Variants in ERBB4 observed in about 807,000 individuals in gnomAD.
The protein encoded by ERBB4 is erb-b2 receptor tyrosine kinase 4, also known as receptor tyrosine-protein kinase erbB-4.
Under a neutral mutation model 158.0 loss-of-function variants are expected in ERBB4, and 42 were observed. That is an observed-to-expected ratio of 0.27 (90% CI 0.21 to 0.34). The LOEUF is 0.34. ERBB4 is among the 10% of genes least tolerant of loss of function. The probability of loss-of-function intolerance (pLI) is 1.00; values close to 1 mark genes in which losing one functional copy is unlikely to be tolerated. For missense variants in ERBB4, 1,333 were observed against 1,624.1 expected, an observed-to-expected ratio of 0.82 and a Z score of 3.08; for synonymous variants, 583 against 558.7, an observed-to-expected ratio of 1.04 and a Z score of -0.61.
At chr2:211,693,707 T>C (rs977990405) in intron 12 of ERBB4, among the ~76,000 whole-genome samples, 3 of 152,192 alleles carry the variant, frequency 2.0e-5, no homozygotes, top group Non-Finnish European at 4.4e-5. Context: ...CTGTCTGTGT[T>C]AGTTCCATAG....
chr2:211,811,490 T>C (rs1391378626), intron 3 of ERBB4, among the ~76,000 whole-genome samples: 1 of 152,132 alleles, frequency 6.6e-6, no homozygotes, highest in Non-Finnish European at 1.5e-5. Context: ...CAATTATGTG[T>C]CTCGGGGTTG....
chr2:211,937,140 T>C (rs914381844), intron 3 of ERBB4, among the ~76,000 whole-genome samples: 5 of 152,188 alleles, frequency 3.3e-5, no homozygotes, highest in African/African-American at 1.2e-4. Flanking sequence ...ATCTTTTACA[T>C]TTATGTTGGT....
At chr2:211,519,250 C>T (rs1423574894) in intron 20 of ERBB4, among the ~76,000 whole-genome samples, 2 of 152,002 alleles carry the variant, frequency 1.3e-5, no homozygotes, top group Non-Finnish European at 1.5e-5. Flanking sequence ...AATATTTTTG[C>T]ATTATTTAAG....
At chr2:211,574,816 T>A (rs913576662) in intron 19 of ERBB4, among the ~76,000 whole-genome samples, 1 of 152,226 alleles carries the variant, frequency 6.6e-6, no homozygotes, top group Admixed American at 6.5e-5. Flanking sequence ...CACTTGTAGC[T>A]TTATTTAGTT....
intron 1 of ERBB4, among the ~76,000 whole-genome samples, chr2:212,126,668 C>A (rs1263756093): frequency 6.6e-6 from 1 of 151,898 alleles, no homozygotes; most frequent in African/African-American, 2.4e-5. Context: ...ATAAGATATA[C>A]TGAATTTAAG....
At chr2:211,878,490 A>G (rs2078570949) in intron 3 of ERBB4, among the ~76,000 whole-genome samples, 1 of 152,218 alleles carries the variant, frequency 6.6e-6, no homozygotes, top group African/African-American at 2.4e-5. Context: ...GCATTCTTTT[A>G]TCACATCAAA....
chr2:211,597,841 C>CA (rs774689676), intron 19 of ERBB4, among the ~76,000 whole-genome samples: 8 of 151,048 alleles, frequency 5.3e-5, no homozygotes, highest in South Asian at 2.1e-4. Context: ...TTTTTTAATT[C>CA]AAAAAAAATC....
chr2:212,032,904 AG>A (rs1430574569), intron 2 of ERBB4, among the ~76,000 whole-genome samples: 3 of 152,044 alleles, frequency 2.0e-5, no homozygotes, highest in Non-Finnish European at 4.4e-5. Context: ...CAGAGAGAAA[AG>A]GAGTTTTAAA....
At chr2:212,101,176 A>C (rs1184251937) in intron 2 of ERBB4, among the ~76,000 whole-genome samples, 4 of 151,934 alleles carry the variant, frequency 2.6e-5, no homozygotes, top group Non-Finnish European at 4.4e-5. Flanking sequence ...AATGAGCAGA[A>C]ATGATATGTA....
At chr2:212,386,714 A>G (rs555589048) in intron 1 of ERBB4, among the ~76,000 whole-genome samples, 1 of 152,094 alleles carries the variant, frequency 6.6e-6, no homozygotes, top group Non-Finnish European at 1.5e-5. Flanking sequence ...TGCATGCAAC[A>G]CTACTTCCTC....
intron 1 of ERBB4, among the ~76,000 whole-genome samples, chr2:212,436,973 C>T (rs1175638630): frequency 6.6e-6 from 1 of 151,838 alleles, no homozygotes; most frequent in Non-Finnish European, 1.5e-5. Flanking sequence ...ACTAGGTAAA[C>T]CAGAGGATTT....
At chr2:211,809,608 C>T (rs1452002050) in intron 3 of ERBB4, among the ~76,000 whole-genome samples, 2 of 152,094 alleles carry the variant, frequency 1.3e-5, no homozygotes, top group African/African-American at 4.8e-5. Context: ...TGCTAGCAGT[C>T]TATCAATTTT....
chr2:212,496,612 T>C (rs1326583118), intron 1 of ERBB4, among the ~76,000 whole-genome samples: 1 of 152,216 alleles, frequency 6.6e-6, no homozygotes, highest in Non-Finnish European at 1.5e-5. Flanking sequence ...AATTTTGTCC[T>C]TGTGTAACAT....
At chr2:211,580,981 T>G (rs757637480) in intron 19 of ERBB4, among the ~76,000 whole-genome samples, 27 of 148,018 alleles carry the variant, frequency 1.8e-4, no homozygotes, top group Non-Finnish European at 3.1e-4. Context: ...CTGGATGAGA[T>G]TCAAGACTAT....
intron 2 of ERBB4, among the ~76,000 whole-genome samples, chr2:212,066,321 G>C (rs2077946251): frequency 6.6e-6 from 1 of 151,774 alleles, no homozygotes; most frequent in Admixed American, 6.6e-5. Flanking sequence ...TCTTACCTAG[G>C]AAAAAATAAA....
intron 22 of ERBB4, among the ~76,000 whole-genome samples, chr2:211,425,352 TAA>T (rs201483038): frequency 0.015 from 2,122 of 144,988 alleles, 53 homozygotes; most frequent in African/African-American, 0.058. Flanking sequence ...ATACAAAGCT[TAA>T]AATATAAAAC....
chr2:211,513,644 T>C (rs2065945001), intron 20 of ERBB4, among the ~76,000 whole-genome samples: 1 of 152,048 alleles, frequency 6.6e-6, no homozygotes, highest in African/African-American at 2.4e-5. Context: ...ACAACATTCC[T>C]TTTCAAACCC....
chr2:211,423,329 C>G (rs190129544), intron 23 of ERBB4, among the ~76,000 whole-genome samples: 1 of 151,842 alleles, frequency 6.6e-6, no homozygotes, highest in African/African-American at 2.4e-5. Flanking sequence ...TCTGAGTAGA[C>G]CTGGGTCCAA....
In ERBB4 at chr2:211,378,659, T is replaced by C. The variant is rs1009029290; in HGVS notation, c.*4956A>G. On this transcript the variant is annotated 3_prime_UTR_variant, in exon 28 of 28. Coordinates refer to ENST00000342788, the MANE Select transcript of ERBB4 (RefSeq NM_005235.3). ...ACTGGCCCCATTGTAATATCAGTAA[T>C]AATGAGGTCTCCACTGATAATGATC... 7 of 232,264 alleles carry C rather than the reference T, an allele frequency of 3.0e-5. No homozygotes were observed. Among genetic ancestry groups the C allele is most frequent in the Non-Finnish European group, 6.0e-5 (7 of 117,214 alleles). The allele number at this position is 232,264 out of a possible 1,614,324, so 14.4% of individuals were successfully genotyped here.
Sources: allele counts gnomAD v4.1 joint callset (sites outside exome capture counted in the v4.1 genomes callset), GRCh38; gene constraint gnomAD v4.1.1; transcripts MANE v1.5; gene names NCBI Gene and HGNC (gene_info 2026-07-23, HGNC 2026-07-21).